Variants in BMPR1B observed in about 807,000 individuals in gnomAD.
BMPR1B encodes the protein bone morphogenetic protein receptor type 1B, also known as bone morphogenetic protein receptor type-1B.
BMPR1B carries 12 observed loss-of-function variants against 59.1 expected under a neutral mutation model. That is an observed-to-expected ratio of 0.20 (90% confidence interval 0.13 to 0.33). BMPR1B has a LOEUF of 0.33. Ranked by LOEUF, BMPR1B falls within the 10% of genes least tolerant of loss-of-function variation. BMPR1B has a pLI of 1.00. For synonymous variants in BMPR1B, 237 were observed against 207.3 expected (o/e 1.14, Z -1.23); for missense variants, 550 against 610.9 (o/e 0.90, Z 1.05).
intron 2 of BMPR1B, among the ~76,000 whole-genome samples, chr4:94,889,181 A>C (rs994532313): frequency 6.6e-6 from 1 of 152,048 alleles, no homozygotes; most frequent in Non-Finnish European, 1.5e-5. Flanking sequence ...CGATGTTTCA[A>C]ATGTGTTATC....
chr4:94,858,577 A>C, intron 1 of BMPR1B, among the ~76,000 whole-genome samples: 1 of 152,216 alleles, frequency 6.6e-6, no homozygotes, highest in East Asian at 1.9e-4. Context: ...TGAACTGTAA[A>C]TTAGTTCAAA....
chr4:94,893,680 A>G (rs776836184), intron 2 of BMPR1B, among the ~76,000 whole-genome samples: 4 of 151,974 alleles, frequency 2.6e-5, no homozygotes, highest in Non-Finnish European at 5.9e-5. Context: ...GCAGTCTCAC[A>G]TGACTTGAGG....
chr4:95,010,215 C>A lies in BMPR1B; in HGVS notation c.-18+14081C>A, dbSNP rs535656859. The stretch of plus-strand genomic sequence containing the variant: ...TGTGTAAGTACAATAATCTCAGACC[C>A]CCCAAATTAATCACATCTTTCATAT... On this transcript the variant is annotated intron_variant, in intron 3 of 12. Transcript: ENST00000515059. 4.6e-5 allele frequency among the ~76,000 whole-genome samples: 7 copies of A among 152,228 alleles called. No individual in the cohort carries two copies. The South Asian group carries it at 1.5e-3, about 32-fold the overall frequency.
chr4:94,884,247 T>C (rs1727085843), intron 2 of BMPR1B, among the ~76,000 whole-genome samples: 1 of 152,170 alleles, frequency 6.6e-6, no homozygotes, highest in African/African-American at 2.4e-5. Flanking sequence ...TGACCTCGGC[T>C]GGGCGTGGTG....
At chr4:94,832,986 C>A (rs1345080724) in intron 1 of BMPR1B, among the ~76,000 whole-genome samples, 2 of 151,626 alleles carry the variant, frequency 1.3e-5, no homozygotes, top group Non-Finnish European at 2.9e-5. Flanking sequence ...GTCAGGAGTT[C>A]GAGACCAGCC....
chr4:95,042,946 C>T (rs953220317), intron 3 of BMPR1B, among the ~76,000 whole-genome samples: 7 of 151,682 alleles, frequency 4.6e-5, no homozygotes, highest in Admixed American at 4.6e-4. Context: ...GAGGCCGAGG[C>T]GGGTGGATCA....
chr4:94,843,146 ATAGT>A (rs1489776409), intron 1 of BMPR1B, among the ~76,000 whole-genome samples: 11 of 152,344 alleles, frequency 7.2e-5, no homozygotes, highest in African/African-American at 1.7e-4. Context: ...CCAAAATCAC[ATAGT>A]TAGTAAATAC....
chr4:94,758,424 A>G (rs1311446602), intron 1 of BMPR1B, among the ~76,000 whole-genome samples: 1 of 150,820 alleles, frequency 6.6e-6, no homozygotes, highest in Non-Finnish European at 1.5e-5. Context: ...TTCGGGCTGT[A>G]GGGACGCCCC....
At chr4:94,871,632 G>T (rs893781202) in intron 1 of BMPR1B, among the ~76,000 whole-genome samples, 8 of 152,028 alleles carry the variant, frequency 5.3e-5, no homozygotes, top group African/African-American at 1.9e-4. Context: ...TAGTTATATT[G>T]TTCACTTACA....
intron 1 of BMPR1B, among the ~76,000 whole-genome samples, chr4:94,759,917 C>T (rs1578611909): frequency 6.6e-6 from 1 of 152,282 alleles, no homozygotes; most frequent in South Asian, 2.1e-4. Context: ...TCACTGTTTT[C>T]TTTAGTCATG....
At chr4:94,832,087 T>C (rs1224451753) in intron 1 of BMPR1B, among the ~76,000 whole-genome samples, 1 of 149,498 alleles carries the variant, frequency 6.7e-6, no homozygotes, top group Non-Finnish European at 1.5e-5. Context: ...GCACAATAAA[T>C]GTAATACACT....
At chr4:95,085,391 C>G (rs1017212685) in intron 3 of BMPR1B, among the ~76,000 whole-genome samples, 1 of 152,098 alleles carries the variant, frequency 6.6e-6, no homozygotes, top group Non-Finnish European at 1.5e-5. Flanking sequence ...CCTGCTGTTT[C>G]CTGTCCTCTC....
chr4:95,035,872 A>G (rs1266255364), intron 3 of BMPR1B, among the ~76,000 whole-genome samples: 1 of 152,132 alleles, frequency 6.6e-6, no homozygotes, highest in African/African-American at 2.4e-5. Context: ...GCTTTTGGCA[A>G]TATGGTCATT....
chr4:95,070,626 A>G (rs538848247), intron 3 of BMPR1B, among the ~76,000 whole-genome samples: 58 of 152,292 alleles, frequency 3.8e-4, no homozygotes, highest in Non-Finnish European at 6.8e-4. Context: ...ACTAGTGCCT[A>G]GTGAGGAAGT....
chr4:94,934,453 GTTTTT>G (rs371268875), intron 2 of BMPR1B, among the ~76,000 whole-genome samples: 1 of 115,290 alleles, frequency 8.7e-6, no homozygotes. Context: ...CCCAGCTATG[GTTTTT>G]TTTTTTTTTT....
chr4:94,818,215 T>G (rs1724080535), intron 1 of BMPR1B, among the ~76,000 whole-genome samples: 1 of 152,180 alleles, frequency 6.6e-6, no homozygotes, highest in African/African-American at 2.4e-5. Flanking sequence ...ATACTTTTAT[T>G]ATTTTAGTTT....
At chr4:94,955,394 C>T (rs1730103493) in intron 2 of BMPR1B, among the ~76,000 whole-genome samples, 1 of 152,076 alleles carries the variant, frequency 6.6e-6, no homozygotes, top group Non-Finnish European at 1.5e-5. Flanking sequence ...AGACTAGCAG[C>T]AGTAGGAGTT....
intron 2 of BMPR1B, among the ~76,000 whole-genome samples, chr4:94,905,914 C>CTTT (rs34853734): frequency 2.9e-5 from 4 of 137,838 alleles, no homozygotes; most frequent in African/African-American, 7.9e-5. Context: ...TTTGTTTATT[C>CTTT]TTTTTTTTTT....
At chr4:94,852,612 A>G (rs1725609390) in intron 1 of BMPR1B, among the ~76,000 whole-genome samples, 1 of 152,112 alleles carries the variant, frequency 6.6e-6, no homozygotes, top group African/African-American at 2.4e-5. Context: ...GGGTCGTGAA[A>G]ATTAATCAGT....
Sources: gnomAD v4.1 joint callset for allele counts (sites outside exome capture counted in the v4.1 genomes callset) on GRCh38, gnomAD v4.1.1 for gene constraint, MANE v1.5 for transcripts, NCBI Gene and HGNC (gene_info 2026-07-23, HGNC 2026-07-21) for gene names.